CDKAL1: variants seen among roughly 807,000 people sequenced by gnomAD.
CDKAL1 encodes threonylcarbamoyladenosine tRNA methylthiotransferase.
CDKAL1 carries 32 observed loss-of-function variants against 68.2 expected under a neutral mutation model. That is an observed-to-expected ratio of 0.47 (90% confidence interval 0.35 to 0.63). The LOEUF (loss-of-function observed/expected upper bound fraction) is 0.63. CDKAL1 is among the 30% of genes least tolerant of loss of function. The pLI, the probability that CDKAL1 is intolerant of heterozygous loss-of-function variation, is 0.00. For synonymous variants in CDKAL1, 234 were observed against 244.3 expected (o/e 0.96, Z 0.39); for missense variants, 606 against 696.7 (o/e 0.87, Z 1.47).
chr6:20,761,088 A>T (rs928109005), intron 7 of CDKAL1, among the ~76,000 whole-genome samples: 1 of 152,226 alleles, frequency 6.6e-6, no homozygotes, highest in African/African-American at 2.4e-5. Flanking sequence ...CAGTTAAAAA[A>T]TGGGCAAAAG....
At chr6:20,835,542 T>C (rs968148298) in intron 8 of CDKAL1, among the ~76,000 whole-genome samples, 3 of 151,974 alleles carry the variant, frequency 2.0e-5, no homozygotes, top group African/African-American at 7.2e-5. Flanking sequence ...TCTTGTCTTG[T>C]CTTGTCTCTT....
intron 9 of CDKAL1, among the ~76,000 whole-genome samples, chr6:20,930,669 G>A (rs1171102157): frequency 2.6e-5 from 4 of 152,066 alleles, no homozygotes; most frequent in Non-Finnish European, 5.9e-5. Context: ...CCAAGTGCCA[G>A]GAAGAGTGGG....
rs1581926118 is a variant in CDKAL1 at position 20,667,605 on chromosome 6, A to G, written c.371+18228A>G. Among the ~76,000 whole-genome samples the G allele has an allele frequency of 6.6e-5, 10 of 152,216 alleles. No individual in the cohort carries two copies. The South Asian group carries it at 2.1e-3, about 32-fold the overall frequency. The stretch of plus-strand genomic sequence containing the variant: ...ATACTATCAAAGACCCTAGGCACTA[A>G]GTACTTCGTATTTTTTCCTTATTTT... On this transcript the variant is annotated intron_variant, in intron 5 of 15. Coordinates refer to ENST00000274695, the MANE Select transcript of CDKAL1 (RefSeq NM_017774.3).
chr6:21,077,201 T>C (rs1772119530), intron 12 of CDKAL1, among the ~76,000 whole-genome samples: 1 of 152,216 alleles, frequency 6.6e-6, no homozygotes, highest in African/African-American at 2.4e-5. Flanking sequence ...TTATCTACAT[T>C]TCCCATTCTT....
intron 12 of CDKAL1, among the ~76,000 whole-genome samples, chr6:21,076,336 C>T (rs1332860926): frequency 6.6e-6 from 1 of 152,136 alleles, no homozygotes; most frequent in Non-Finnish European, 1.5e-5. Flanking sequence ...AATCTAGCTG[C>T]CAGTGGGTCA....
At chr6:20,665,024 A>T (rs1040826624) in intron 5 of CDKAL1, among the ~76,000 whole-genome samples, 9 of 152,028 alleles carry the variant, frequency 5.9e-5, no homozygotes, top group Non-Finnish European at 1.3e-4. Context: ...GCACATATGC[A>T]GCTGAGACTC....
At chr6:20,807,045 T>C (rs1032285825) in intron 8 of CDKAL1, among the ~76,000 whole-genome samples, 7 of 152,208 alleles carry the variant, frequency 4.6e-5, no homozygotes, top group Admixed American at 3.3e-4. Context: ...TGAAGTGTCA[T>C]TGGTGAACTT....
intron 11 of CDKAL1, among the ~76,000 whole-genome samples, chr6:21,059,091 T>G (rs530696198): frequency 2.0e-5 from 3 of 152,340 alleles, no homozygotes; most frequent in African/African-American, 7.2e-5. Context: ...CAGAGATTTC[T>G]CTGTAAACCA....
At chr6:21,167,861 G>A (rs1582342220) in intron 13 of CDKAL1, among the ~76,000 whole-genome samples, 1 of 152,200 alleles carries the variant, frequency 6.6e-6, no homozygotes, top group Non-Finnish European at 1.5e-5. Flanking sequence ...ATCTATGTCG[G>A]AGCTTCTAAG....
At chr6:20,901,650 C>T (rs1018871074) in intron 9 of CDKAL1, among the ~76,000 whole-genome samples, 7 of 127,456 alleles carry the variant, frequency 5.5e-5, no homozygotes, top group African/African-American at 2.0e-4. Flanking sequence ...CACTGCACTC[C>T]AGCCTGGGCA....
intron 9 of CDKAL1, among the ~76,000 whole-genome samples, chr6:20,856,990 G>C (rs1275270729): frequency 6.6e-6 from 1 of 152,074 alleles, no homozygotes; most frequent in African/African-American, 2.4e-5. Context: ...CTGCTTGTGT[G>C]GATATTAAAC....
intron 11 of CDKAL1, among the ~76,000 whole-genome samples, chr6:21,013,290 C>T (rs1768119812): frequency 6.6e-6 from 1 of 152,150 alleles, no homozygotes; most frequent in Admixed American, 6.5e-5. Context: ...TGTTTCCTCT[C>T]TCTCTCTTTT....
At chr6:21,205,756 C>A (rs1349387225) in intron 15 of CDKAL1, among the ~76,000 whole-genome samples, 1 of 150,386 alleles carries the variant, frequency 6.6e-6, no homozygotes, top group African/African-American at 2.5e-5. Context: ...TGGTCTCGAT[C>A]TCCTGACCTC....
At chr6:21,183,189 A>G (rs907884915) in intron 13 of CDKAL1, among the ~76,000 whole-genome samples, 7 of 151,802 alleles carry the variant, frequency 4.6e-5, no homozygotes, top group African/African-American at 1.5e-4. Flanking sequence ...ACTGAAAAAA[A>G]TGAATTGCAG....
chr6:21,081,302 G>C (rs1772386852), intron 12 of CDKAL1, among the ~76,000 whole-genome samples: 1 of 152,216 alleles, frequency 6.6e-6, no homozygotes, highest in African/African-American at 2.4e-5. Flanking sequence ...ATTAAATAAG[G>C]AGAATATAAA....
chr6:21,229,642 C>T (rs1027470725), intron 15 of CDKAL1, among the ~76,000 whole-genome samples: 19 of 152,208 alleles, frequency 1.2e-4, no homozygotes, highest in Admixed American at 6.5e-5. Flanking sequence ...TGCACCGCCT[C>T]TGGGCTGCCC....
At chr6:20,694,448 G>C (rs1028953396) in intron 5 of CDKAL1, among the ~76,000 whole-genome samples, 3 of 152,134 alleles carry the variant, frequency 2.0e-5, no homozygotes, top group Non-Finnish European at 4.4e-5. Context: ...CTGTGCATCA[G>C]GATGTCATTT....
chr6:20,546,792 G>C (rs2127653559), intron 3 of CDKAL1, among the ~76,000 whole-genome samples: 1 of 152,266 alleles, frequency 6.6e-6, no homozygotes, highest in East Asian at 1.9e-4. Flanking sequence ...AACCTCAGGT[G>C]ATCTGCCCAC....
chr6:20,799,236 G>C (rs1007407792), intron 8 of CDKAL1, among the ~76,000 whole-genome samples: 2 of 151,762 alleles, frequency 1.3e-5, no homozygotes, highest in Non-Finnish European at 2.9e-5. Flanking sequence ...ATTTTTAGTA[G>C]AGACGGGGTT....
Sources: allele counts gnomAD v4.1 joint callset (sites outside exome capture counted in the v4.1 genomes callset), GRCh38; gene constraint gnomAD v4.1.1; transcripts MANE v1.5; gene names NCBI Gene and HGNC (gene_info 2026-07-23, HGNC 2026-07-21).